Variants in STK3 observed in about 807,000 individuals in gnomAD.
STK3 encodes the protein serine/threonine-protein kinase 3.
In STK3, 41 loss-of-function variants were observed where a neutral mutation model predicts 58.0. The ratio of observed to expected loss-of-function variants is 0.71; its 90% CI spans 0.55 to 0.92. The LOEUF is 0.92. STK3 is among the 40% of genes least tolerant of loss of function. The pLI is 0.00. For synonymous variants in STK3, 170 were observed against 191.0 expected (o/e 0.89, Z 0.91); for missense variants, 479 against 602.7 (o/e 0.79, Z 2.15).
chr8:98,842,670 C>T (rs1836041186), intron 3 of STK3, among the ~76,000 whole-genome samples: 3 of 151,962 alleles, frequency 2.0e-5, no homozygotes, highest in South Asian at 4.2e-4. Flanking sequence ...AGAGTGAGAT[C>T]CTGTCTCAAA....
upstream of STK3, chr8:98,825,710 C>T (rs867556509): frequency 2.0e-6 from 2 of 1,014,188 alleles, no homozygotes; most frequent in African/African-American, 1.8e-5. Context: ...AGGAGCGCGG[C>T]TCCTCCCGCC....
chr8:98,904,433 A>G (rs190326828), intron 1 of STK3, among the ~76,000 whole-genome samples: 180 of 152,354 alleles, frequency 1.2e-3, no homozygotes, highest in Non-Finnish European at 2.4e-3. Flanking sequence ...AAGTCAACTT[A>G]GAAGAATTAA....
At chr8:98,432,514 TG>T (rs1361077677) in intron 3 of STK3, 1 of 167,148 alleles carries the variant, frequency 6.0e-6, no homozygotes, top group Non-Finnish European at 1.5e-5. Context: ...AAGGGCATGT[TG>T]TAATGCCAAG....
chr8:98,660,385 C>T (rs1300051293), intron 6 of STK3, among the ~76,000 whole-genome samples: 1 of 151,860 alleles, frequency 6.6e-6, no homozygotes, highest in Non-Finnish European at 1.5e-5. Context: ...GAACTGTGCA[C>T]TGAAAAACAG....
rs571813999 is a variant in STK3 at position 98,375,068 on chromosome 8, T to C, written n.112-3390A>G. ...TAGCCTGGGCAACATAGTGAGACCC[T>C]GTGTCTACAAAAAAACAAACAACAA... On this transcript the variant is annotated intron_variant and non_coding_transcript_variant, in intron 2 of 2. Transcript: ENST00000518704. Among the ~76,000 whole-genome samples the C allele has an allele frequency of 9.2e-5, 13 of 141,008 alleles. No homozygotes were observed. In the Admixed American group the frequency reaches 9.4e-4, roughly 10 times the overall value. The allele number at this position is 141,008 out of a possible 152,430, so 92.5% of individuals were successfully genotyped here.
At chr8:98,390,093 C>G (rs760875747), upstream of STK3, among the ~76,000 whole-genome samples, 1 of 152,130 alleles carries the variant, frequency 6.6e-6, no homozygotes, top group Non-Finnish European at 1.5e-5. Context: ...TAAACTGTTT[C>G]CAGTCATTTA....
At chr8:98,715,939 A>G (rs1826973948) in intron 4 of STK3, among the ~76,000 whole-genome samples, 1 of 152,234 alleles carries the variant, frequency 6.6e-6, no homozygotes, top group South Asian at 2.1e-4. Context: ...ACACCATGGA[A>G]TACTATGCAG....
At chr8:98,715,606 G>A (rs1234360062) in intron 4 of STK3, among the ~76,000 whole-genome samples, 1 of 152,146 alleles carries the variant, frequency 6.6e-6, no homozygotes, top group African/African-American at 2.4e-5. Flanking sequence ...CAGTTAGAAT[G>A]GCAATCATTA....
chr8:98,908,824 CA>C (rs1839017385), intron 1 of STK3, among the ~76,000 whole-genome samples: 1 of 102,722 alleles, frequency 9.7e-6, no homozygotes, highest in African/African-American at 3.7e-5. Context: ...GCCTGGGGGA[CA>C]AGAGAGAGAC....
intron 3 of STK3, among the ~76,000 whole-genome samples, 165 bp downstream of exon 3, chr8:98,767,078 G>C (rs997840894): frequency 6.6e-6 from 1 of 152,036 alleles, no homozygotes; most frequent in East Asian, 1.9e-4. Flanking sequence ...CCGAGATGGC[G>C]CCATTGCACT....
intron 4 of STK3, among the ~76,000 whole-genome samples, chr8:98,720,828 A>AT (rs1315931572): frequency 6.6e-6 from 1 of 152,064 alleles, no homozygotes; most frequent in African/African-American, 2.4e-5. Context: ...TCTGACAGTC[A>AT]TTAAAGCAAA....
chr8:98,699,839 C>G (rs540349298), intron 6 of STK3, among the ~76,000 whole-genome samples: 274 of 152,352 alleles, frequency 1.8e-3, no homozygotes, highest in African/African-American at 6.0e-3. Context: ...AGGAGGCAGT[C>G]TGCCCATTCT....
rs1789380234 is a variant in STK3 at position 98,800,606 on chromosome 8, A to G, written c.26+24909T>C. ...TGTGGAGGGAGAAGCGTGGGCAGGA[A>G]CCAGGACTGCGCGCAGCACTCATGG... On this transcript the variant is annotated intron_variant, in intron 1 of 10. Transcript: ENST00000419617. This position sits in a 1 kb window ranked among gnomAD's most constrained non-coding sequence, Gnocchi z 4.8. 6.6e-6 allele frequency among the ~76,000 whole-genome samples: 1 copy of G among 152,098 alleles called. No homozygotes were observed. The highest frequency in any genetic ancestry group is 2.4e-5 in the African/African-American group (1 of 41,428).
intron 1 of STK3, chr8:98,905,024 A>G (rs1390700714): frequency 2.4e-6 from 2 of 838,752 alleles, no homozygotes; most frequent in East Asian, 5.1e-5. Flanking sequence ...CTGCATATGC[A>G]TCGTTGTAAT....
intron 10 of STK3, among the ~76,000 whole-genome samples, chr8:98,525,832 A>G (rs543721622): frequency 1.3e-4 from 20 of 152,134 alleles, no homozygotes; most frequent in Middle Eastern, 7.1e-3. Flanking sequence ...CAAAGCATTT[A>G]GAGTCATGTT....
chr8:98,901,674 C>A (rs558381161), intron 1 of STK3, among the ~76,000 whole-genome samples: 4 of 152,272 alleles, frequency 2.6e-5, no homozygotes. Flanking sequence ...CAGGCAGCCT[C>A]ATTCCACACT....
chr8:98,446,026 G>C (rs917004495), intron 1 of STK3, among the ~76,000 whole-genome samples: 6 of 152,186 alleles, frequency 3.9e-5, no homozygotes, highest in African/African-American at 1.4e-4. Context: ...GAGTAAGCAA[G>C]ACAAACTACC....
rs550334146 is a variant in STK3 at position 98,783,062 on chromosome 8, G to A, written c.27-8243C>T. On this transcript the variant is annotated intron_variant, in intron 1 of 10. Transcript: ENST00000419617. ...GAGAGAGAGAACCAAAATATATTAT[G>A]ATCAAATTGCTGAACATCAGTGAGA... Among the ~76,000 whole-genome samples, 3 of 151,996 alleles carry A rather than the reference G, an allele frequency of 2.0e-5. No homozygotes were observed. In the East Asian group the frequency reaches 5.8e-4, roughly 29 times the overall value.
At chr8:98,811,905 G>A (rs1834250009) in intron 1 of STK3, among the ~76,000 whole-genome samples, 1 of 152,216 alleles carries the variant, frequency 6.6e-6, no homozygotes, top group South Asian at 2.1e-4. Context: ...CGCCTCCCAA[G>A]TTCAAGCAAT....
Sources: gnomAD v4.1 joint callset for allele counts (sites outside exome capture counted in the v4.1 genomes callset) on GRCh38, gnomAD v4.1.1 for gene constraint, Gnocchi (gnomAD v3.1) non-coding constraint, MANE v1.5 for transcripts, NCBI Gene and HGNC (gene_info 2026-07-23, HGNC 2026-07-21) for gene names.